The following GREB1L variants were observed in gnomAD, a reference collection of about 807,000 sequenced individuals.
GREB1L encodes the protein GREB1 like retinoic acid receptor coactivator.
In GREB1L, 17 loss-of-function variants were observed where a neutral mutation model predicts 200.8. The observed-to-expected ratio is 0.08, with a 90% CI of 0.06 to 0.13. The LOEUF is 0.13. GREB1L is among the 10% of genes least tolerant of loss of function. GREB1L has a pLI of 1.00. For missense variants in GREB1L, 1,657 were observed against 2,367.7 expected (o/e 0.70, Z 6.23); for synonymous variants, 789 against 893.0 (o/e 0.88, Z 2.08).
rs575475923 is a variant in GREB1L, at chr18:21,267,880, A to G, written c.-120+25487A>G. On this transcript the variant is annotated intron_variant, in intron 1 of 32. Coordinates refer to ENST00000424526, the MANE Select transcript of GREB1L (RefSeq NM_001142966.3). The stretch of plus-strand genomic sequence containing the variant: ...GTGATCATTGCTCCCAGAGAGCCTA[A>G]TAGCTAAAAAATTTAACATGGAAAT... Among the ~76,000 whole-genome samples the G allele has an allele frequency of 5.3e-5, 8 of 151,976 alleles. No individual in the cohort carries two copies. The East Asian group carries it at 1.6e-3, about 29-fold the overall frequency.
chr18:21,387,345 G>A (rs548995365), intron 4 of GREB1L, among the ~76,000 whole-genome samples: 9 of 152,174 alleles, frequency 5.9e-5, no homozygotes, highest in Non-Finnish European at 1.0e-4. Context: ...AGGAAATGCA[G>A]ATGAAGTTTA....
chr18:21,302,285 A>G (rs2038629376), intron 1 of GREB1L, among the ~76,000 whole-genome samples: 1 of 152,162 alleles, frequency 6.6e-6, no homozygotes, highest in Non-Finnish European at 1.5e-5. Context: ...GCTTTTTTGG[A>G]GGAGGTGGGG....
rs751437984 is a variant in GREB1L, at chr18:21,500,205, T to C, written c.3868T>C (p.Leu1290=). ...GTCCCTCTACTACAGGCAGTGGACC[T>C]TGGCCCGGCAGCACCACGCTGACTA... ...EQSLYYRQWT[L]ARQHHADYSN... Residue 1290 remains leucine (L), a synonymous_variant, in exon 22 of 33, where the codon TTG becomes CTG. Coordinates refer to ENST00000424526, the MANE Select transcript of GREB1L (RefSeq NM_001142966.3). The C allele has an allele frequency of 1.9e-6, 3 of 1,546,950 alleles. No individual in the cohort carries two copies. Among genetic ancestry groups the C allele is most frequent in the Non-Finnish European group, 2.6e-6 (3 of 1,145,982 alleles).
At chr18:21,255,229 G>A (rs2037782834) in intron 1 of GREB1L, among the ~76,000 whole-genome samples, 1 of 152,120 alleles carries the variant, frequency 6.6e-6, no homozygotes, top group African/African-American at 2.4e-5. Flanking sequence ...TCCTGCTCAT[G>A]TGCATTCCTA....
chr18:21,432,886 T>C (rs1173155690), intron 7 of GREB1L, among the ~76,000 whole-genome samples: 1 of 151,928 alleles, frequency 6.6e-6, no homozygotes, highest in East Asian at 1.9e-4. Flanking sequence ...TTTGTATTTT[T>C]AGTAGGGACG....
intron 15 of GREB1L, among the ~76,000 whole-genome samples, chr18:21,464,311 T>C (rs7228386): frequency 0.99 from 149,879 of 152,140 alleles, 73,866 homozygotes; most frequent in South Asian, 1. Context: ...GGGCGGATCA[T>C]GAGGTCAAGA....
intron 7 of GREB1L, among the ~76,000 whole-genome samples, chr18:21,436,028 AC>A (rs1268573949): frequency 6.6e-5 from 10 of 152,124 alleles, no homozygotes; most frequent in Admixed American, 3.3e-4. Context: ...TAGCTGATTA[AC>A]GTGAGCATCA....
intron 1 of GREB1L, among the ~76,000 whole-genome samples, chr18:21,345,195 G>T (rs2039327306): frequency 6.6e-6 from 1 of 152,094 alleles, no homozygotes; most frequent in Admixed American, 6.5e-5. Flanking sequence ...TTTCCATTTG[G>T]TTGTTTCACA....
intron 1 of GREB1L, among the ~76,000 whole-genome samples, chr18:21,305,884 C>T (rs2038691575): frequency 6.6e-6 from 1 of 152,102 alleles, no homozygotes; most frequent in South Asian, 2.1e-4. Context: ...GATCTTTGTC[C>T]TGGAATACTC....
In GREB1L at chr18:21,520,812, A is replaced by G; in HGVS notation, c.5597A>G (p.Lys1866Arg). 1 of 1,536,508 alleles carries G rather than the reference A, an allele frequency of 6.5e-7. No homozygotes were observed. The highest frequency in any genetic ancestry group is 8.8e-7 in the Non-Finnish European group (1 of 1,139,980). ...SFVGADLKKF[K>R]FLKGATLCVI... ...GTAGGTGCTGATCTTAAGAAATTTA[A>G]ATTTCTAAAAGGTAAGTCAAATTTA... Residue 1866 changes from lysine to arginine, a missense_variant, in exon 32 of 33, where the codon AAA (lysine) becomes AGA (arginine). This residue lies in a region of GREB1L where 190 missense variants were observed against 230.2 expected (regional missense o/e 0.83). Transcript: ENST00000424526.
At chr18:21,293,379 C>A (rs1404070844) in intron 1 of GREB1L, among the ~76,000 whole-genome samples, 2 of 152,154 alleles carry the variant, frequency 1.3e-5, no homozygotes, top group African/African-American at 2.4e-5. Flanking sequence ...GACATAAAAT[C>A]TCTTTAATGG....
chr18:21,475,851 C>A (rs1223569253), intron 16 of GREB1L, among the ~76,000 whole-genome samples: 2 of 151,468 alleles, frequency 1.3e-5, no homozygotes, highest in African/African-American at 2.4e-5. Flanking sequence ...TGCCTGTAAT[C>A]CCAGCTACTA....
rs116389574 is a variant in GREB1L at position 21,447,290 on chromosome 18, A to T, written c.1394-2220A>T. 9.3e-3 allele frequency among the ~76,000 whole-genome samples: 1,412 copies of T among 152,158 alleles called. 15 individuals are homozygous for T. The highest frequency in any genetic ancestry group is 0.031 in the African/African-American group (1,267 of 41,486). ...ACAGACAGAGACCCTGTCTCTAATT[A>T]AAAAAATTTAAAAAAAAAATTTTTT... is the stretch of plus-strand genomic sequence containing the variant. On this transcript the variant is annotated intron_variant, in intron 11 of 32. Transcript: ENST00000424526.
At chr18:21,471,161 A>G (rs929135513) in intron 15 of GREB1L, among the ~76,000 whole-genome samples, 6 of 152,260 alleles carry the variant, frequency 3.9e-5, no homozygotes, top group East Asian at 1.9e-4. Context: ...ACCTTAGCCA[A>G]AAAACCACAA....
Position 21,304,222 on chromosome 18 carries a change from A to ATATTATTATTAT in GREB1L, c.-119-61785_-119-61774dup, listed in dbSNP as rs35203034. 6.7e-5 allele frequency among the ~76,000 whole-genome samples: 10 copies of ATATTATTATTAT among 148,726 alleles called. No homozygotes were observed. The East Asian group carries it at 1.4e-3, about 21-fold the overall frequency. On this transcript the variant is annotated intron_variant, in intron 1 of 32. Transcript: ENST00000424526. ...TTTCAAATCTTCACTAGTTAAGCCC[A>ATATTATTATTAT]TATTATTATTATTATTATTATTATT...
At chr18:21,373,841 C>G (rs552211949) in intron 2 of GREB1L, among the ~76,000 whole-genome samples, 136 of 152,232 alleles carry the variant, frequency 8.9e-4, no homozygotes, top group Admixed American at 1.6e-3. Context: ...TCCAAAGGAG[C>G]TCTTGCTTTT....
intron 1 of GREB1L, among the ~76,000 whole-genome samples, chr18:21,282,943 G>C (rs1455699642): frequency 2.0e-5 from 3 of 152,048 alleles, no homozygotes; most frequent in Non-Finnish European, 2.9e-5. Flanking sequence ...TACTTCATAA[G>C]GTACATGTAT....
chr18:21,341,170 G>A (rs2039264056), intron 1 of GREB1L, among the ~76,000 whole-genome samples: 1 of 152,280 alleles, frequency 6.6e-6, no homozygotes, highest in South Asian at 2.1e-4. Flanking sequence ...GAGTAGATGA[G>A]AAAATGGAAG....
intron 1 of GREB1L, among the ~76,000 whole-genome samples, chr18:21,279,519 A>G (rs75492202): frequency 0.06 from 9,111 of 152,294 alleles, 377 homozygotes; most frequent in Middle Eastern, 0.085. Flanking sequence ...TTTTAGATAC[A>G]TAATATCTTA....
Sources: allele counts gnomAD v4.1 joint callset (sites outside exome capture counted in the v4.1 genomes callset), GRCh38; gene constraint gnomAD v4.1.1; regional missense constraint gnomAD v4.1.1; transcripts MANE v1.5; gene names NCBI Gene and HGNC (gene_info 2026-07-23, HGNC 2026-07-21).